RPS6KA5: variants seen among roughly 807,000 people sequenced by gnomAD.
RPS6KA5 encodes the protein ribosomal protein S6 kinase alpha-5.
In RPS6KA5, 27 loss-of-function variants were observed where a neutral mutation model predicts 85.5. That is an observed-to-expected ratio of 0.32 (90% confidence interval 0.23 to 0.44). RPS6KA5 has a LOEUF of 0.44. Among genes scored for constraint, RPS6KA5 ranks in the 20% least tolerant of loss-of-function variants. The pLI is 1.00. For synonymous variants in RPS6KA5, 334 were observed against 348.2 expected, an observed-to-expected ratio of 0.96 and a Z score of 0.46; for missense variants, 811 against 980.9, an observed-to-expected ratio of 0.83 and a Z score of 2.31.
At chr14:90,959,092 C>G (rs1272192728) in intron 3 of RPS6KA5, among the ~76,000 whole-genome samples, 1 of 151,854 alleles carries the variant, frequency 6.6e-6, no homozygotes, top group Admixed American at 6.6e-5. Context: ...GTGGCTAGAA[C>G]AGAGTGAATG....
intron 3 of RPS6KA5, among the ~76,000 whole-genome samples, chr14:90,962,495 C>G (rs527693772): frequency 6.7e-4 from 102 of 152,148 alleles, no homozygotes; most frequent in Non-Finnish European, 1.2e-3. Flanking sequence ...CCATGTTAGC[C>G]TGGCTGGTCT....
At chr14:91,036,100 G>T (rs572513582) in intron 1 of RPS6KA5, among the ~76,000 whole-genome samples, 11 of 151,886 alleles carry the variant, frequency 7.2e-5, no homozygotes, top group Admixed American at 3.3e-4. Flanking sequence ...ATAGACTGTG[G>T]GGGGTGCAAC....
chr14:90,886,283 A>T (rs557241312), intron 14 of RPS6KA5, among the ~76,000 whole-genome samples: 3 of 152,336 alleles, frequency 2.0e-5, no homozygotes, highest in Non-Finnish European at 2.9e-5. Context: ...GAAAAAAATT[A>T]AAAAATAAGG....
In RPS6KA5 at chr14:90,871,541, T is replaced by C. The variant is rs896572695; in HGVS notation, c.*533A>G. The C allele has an allele frequency of 6.6e-6, 1 of 151,608 alleles. No individual in the cohort carries two copies. The highest frequency in any genetic ancestry group is 6.6e-5 in the Admixed American group (1 of 15,210). The allele number at this position is 151,608 out of a possible 1,614,324, so 9.4% of individuals were successfully genotyped here. On this transcript the variant is annotated 3_prime_UTR_variant, in exon 17 of 17. Coordinates refer to ENST00000614987, the MANE Select transcript of RPS6KA5 (RefSeq NM_004755.4). Reference sequence around the variant, plus strand: ...AAAGTTTAATAATAGCAGGTTATCATCATATGTAACCATAAAATAAAAACA... The same window carrying C: ...AAAGTTTAATAATAGCAGGTTATCACCATATGTAACCATAAAATAAAAACA...
chr14:90,942,696 T>C (rs757481317), intron 5 of RPS6KA5, among the ~76,000 whole-genome samples: 1 of 152,346 alleles, frequency 6.6e-6, no homozygotes, highest in East Asian at 1.9e-4. Context: ...CCTACTTTGT[T>C]ACCACAATGT....
At chr14:90,995,081 T>G (rs2140548762) in intron 2 of RPS6KA5, among the ~76,000 whole-genome samples, 1 of 152,152 alleles carries the variant, frequency 6.6e-6, no homozygotes, top group South Asian at 2.1e-4. Flanking sequence ...GACGGAGTCT[T>G]GCTCTGTGCA....
intron 14 of RPS6KA5, among the ~76,000 whole-genome samples, chr14:90,881,327 C>T (rs1387125397): frequency 6.6e-6 from 1 of 151,286 alleles, no homozygotes; most frequent in East Asian, 2.1e-4. Context: ...GGTATATGCG[C>T]CTGTAATCCC....
At position 90,875,262 on chromosome 14, in the gene RPS6KA5, A is replaced by C. The variant is rs139155141; in HGVS notation, c.1935T>G (p.Asp645Glu). 8.3e-5 allele frequency: 134 copies of C among 1,613,840 alleles called. No individual in the cohort carries two copies. In the African/African-American group the frequency reaches 1.7e-3, roughly 21 times the overall value. Residue 645 changes from aspartate (D) to glutamate (E), a missense_variant, in exon 15 of 17, where the codon GAT becomes GAG. Physicochemically the swap from Asp to Glu is conservative, Grantham distance 45. This residue lies in a region of RPS6KA5 where 650 missense variants were observed against 793.4 expected (regional missense o/e 0.82). Transcript: ENST00000614987. ...TCCAGGCTTCTCCTTCAAAGGAGAA[A>C]TCTCCCTTTTTAATTTTCTTCATGA... ...VEIMKKIKKG[D>E]FSFEGEAWKN...
At chr14:90,956,154 C>A (rs1041624180) in intron 3 of RPS6KA5, among the ~76,000 whole-genome samples, 1 of 152,080 alleles carries the variant, frequency 6.6e-6, no homozygotes, top group East Asian at 1.9e-4. Flanking sequence ...ATATAACAAA[C>A]TTGAACATCT....
At chr14:90,880,346 C>T (rs1241907774) in intron 14 of RPS6KA5, among the ~76,000 whole-genome samples, 1 of 152,156 alleles carries the variant, frequency 6.6e-6, no homozygotes, top group African/African-American at 2.4e-5. Context: ...ATTCTGAATA[C>T]CCTAAGTATC....
At chr14:90,890,159 T>C (rs1025876526) in intron 14 of RPS6KA5, among the ~76,000 whole-genome samples, 9 of 152,348 alleles carry the variant, frequency 5.9e-5, no homozygotes, top group South Asian at 2.1e-4. Context: ...TGTTTTTCTA[T>C]TGATGAATCA....
At position 90,906,243 on chromosome 14, in the gene RPS6KA5, T is replaced by G. The variant is rs2035495030; in HGVS notation, c.863A>C (p.Asp288Ala). 6.2e-7 allele frequency: 1 copy of G among 1,612,686 alleles called. No individual in the cohort carries two copies. Among genetic ancestry groups the G allele is most frequent in the Non-Finnish European group, 8.5e-7 (1 of 1,179,110 alleles). ...TTTCATCAAAAGACGCTGAATTAGG[T>G]CTTTCGCTAAAGCACTCATTTCTTG... is the stretch of plus-strand genomic sequence containing the variant. ...YPQEMSALAKDLIQRLLMKDP... is the reference protein window; with the variant it reads ...YPQEMSALAKALIQRLLMKDP... Residue 288 changes from aspartate (D) to alanine (A), a missense_variant, in exon 8 of 17, where the codon GAC (aspartate) becomes GCC (alanine). This residue lies in a region of RPS6KA5 where 650 missense variants were observed against 793.4 expected (regional missense o/e 0.82). Coordinates refer to ENST00000614987, the MANE Select transcript of RPS6KA5 (RefSeq NM_004755.4).
At position 90,999,253 on chromosome 14, in the gene RPS6KA5, C is replaced by A. The variant is rs997629531; in HGVS notation, c.175+1835G>T. On this transcript the variant is annotated intron_variant, in intron 2 of 16. Transcript: ENST00000614987. ...AACAAAAAAACAAACAGACATGAAG[C>A]TAGGGAAGTGGCTGGTATTGATTAC... 5.3e-5 allele frequency among the ~76,000 whole-genome samples: 8 copies of A among 152,118 alleles called. No individual in the cohort carries two copies. The South Asian group carries it at 1.7e-3, about 32-fold the overall frequency.
At chr14:91,056,639 A>C (rs890489186) in intron 1 of RPS6KA5, among the ~76,000 whole-genome samples, 11 of 152,202 alleles carry the variant, frequency 7.2e-5, no homozygotes, top group African/African-American at 2.7e-4. Context: ...TCCAGTGGAC[A>C]GACCATACAT....
At position 90,915,877 on chromosome 14, in the gene RPS6KA5, G is replaced by A. The variant is rs555537446; in HGVS notation, c.806+4329C>T. Among the ~76,000 whole-genome samples the A allele has an allele frequency of 7.3e-5, 11 of 151,468 alleles. 1 individual carries two copies. The South Asian group carries it at 8.4e-4, about 12-fold the overall frequency. On this transcript the variant is annotated intron_variant, in intron 7 of 16. Coordinates refer to ENST00000614987, the MANE Select transcript of RPS6KA5 (RefSeq NM_004755.4). ...AGCTAGTGTAAGACACGTAAGAAAA[G>A]CACATGTACATGTATTTTAAAAAAT...
chr14:91,053,116 A>T (rs1331765783), intron 1 of RPS6KA5, among the ~76,000 whole-genome samples: 1 of 152,214 alleles, frequency 6.6e-6, no homozygotes, highest in African/African-American at 2.4e-5. Flanking sequence ...AAAAATGGTC[A>T]TCTTAATAGA....
chr14:90,956,662 A>G (rs530138969), intron 3 of RPS6KA5, among the ~76,000 whole-genome samples: 6 of 142,318 alleles, frequency 4.2e-5, no homozygotes, highest in African/African-American at 1.6e-4. Context: ...ATACTTTCTC[A>G]TTTTACTTTT....
At chr14:90,908,573 A>T (rs2035637266) in intron 7 of RPS6KA5, among the ~76,000 whole-genome samples, 1 of 152,172 alleles carries the variant, frequency 6.6e-6, no homozygotes, top group South Asian at 2.1e-4. Flanking sequence ...GAGGTTCTAA[A>T]GCCTATTCCT....
intron 1 of RPS6KA5, chr14:91,052,378 G>T (rs767260705): frequency 2.5e-6 from 1 of 394,010 alleles, no homozygotes; most frequent in South Asian, 1.8e-5. Context: ...TGAGGCAGGA[G>T]AATCACTTGA....
Sources: gnomAD v4.1 joint callset for allele counts (sites outside exome capture counted in the v4.1 genomes callset) on GRCh38, gnomAD v4.1.1 for gene constraint, gnomAD v4.1.1 regional missense constraint, MANE v1.5 for transcripts, NCBI Gene and HGNC (gene_info 2026-07-23, HGNC 2026-07-21) for gene names.